The following ARHGAP39 variants were observed in gnomAD, a reference collection of about 807,000 sequenced individuals.
ARHGAP39 encodes the protein Rho GTPase activating protein 39.
In ARHGAP39, 44 loss-of-function variants were observed where a neutral mutation model predicts 106.9. The ratio of observed to expected loss-of-function variants is 0.41; its 90% CI spans 0.32 to 0.53. The LOEUF (loss-of-function observed/expected upper bound fraction) is 0.53. ARHGAP39 is among the 20% of genes least tolerant of loss of function. The pLI, the probability that ARHGAP39 is intolerant of heterozygous loss-of-function variation, is 0.21. For synonymous variants in ARHGAP39, 768 were observed against 693.2 expected (o/e 1.11, Z -1.69); for missense variants, 1,496 against 1,577.3 (o/e 0.95, Z 0.87).
At chr8:144,688,112 T>TC (rs1822670333), upstream of ARHGAP39, among the ~76,000 whole-genome samples, 1 of 151,722 alleles carries the variant, frequency 6.6e-6, no homozygotes, top group African/African-American at 2.4e-5. Flanking sequence ...ACTCTTTTTT[T>TC]TTTTTTTTTG....
chr8:144,544,595 C>A (rs1269662577), intron 6 of ARHGAP39, among the ~76,000 whole-genome samples: 1 of 152,234 alleles, frequency 6.6e-6, no homozygotes, highest in East Asian at 1.9e-4. Flanking sequence ...GGCTGTCTGG[C>A]GGATGGCACC....
At chr8:144,622,367 C>T (rs1025429844) in intron 1 of ARHGAP39, among the ~76,000 whole-genome samples, 2 of 152,082 alleles carry the variant, frequency 1.3e-5, no homozygotes, top group African/African-American at 4.8e-5. Context: ...AGCAGCCCCA[C>T]CCGCCACAGG....
chr8:144,668,441 C>A (rs1822017377), intron 1 of ARHGAP39, among the ~76,000 whole-genome samples: 1 of 151,606 alleles, frequency 6.6e-6, no homozygotes. Flanking sequence ...GAGACTGTCT[C>A]AAAACAAAAC....
chr8:144,686,882 A>C (rs1428262920), upstream of ARHGAP39, among the ~76,000 whole-genome samples: 2 of 150,858 alleles, frequency 1.3e-5, 1 homozygote, highest in African/African-American at 4.9e-5. Flanking sequence ...TTGTGACAAC[A>C]CACTGGCGGC....
chr8:144,552,955 C>T (rs1361315925), intron 4 of ARHGAP39, among the ~76,000 whole-genome samples: 2 of 152,200 alleles, frequency 1.3e-5, no homozygotes, highest in African/African-American at 4.8e-5. Context: ...GTGGGGCTTC[C>T]AAGGCCTTCC....
intron 6 of ARHGAP39, among the ~76,000 whole-genome samples, chr8:144,543,439 G>A (rs1817278552): frequency 2.6e-5 from 4 of 152,332 alleles, no homozygotes; most frequent in South Asian, 4.1e-4. Flanking sequence ...CCTGACAGAC[G>A]AACCTAGGAG....
chr8:144,570,915 T>C (rs1818564845), intron 3 of ARHGAP39, among the ~76,000 whole-genome samples: 1 of 152,038 alleles, frequency 6.6e-6, no homozygotes, highest in East Asian at 1.9e-4. Context: ...ACATACACCC[T>C]CCCAAGACTA....
At chr8:144,599,133 C>G (rs1458445487) in intron 2 of ARHGAP39, among the ~76,000 whole-genome samples, 2 of 152,198 alleles carry the variant, frequency 1.3e-5, no homozygotes, top group Non-Finnish European at 2.9e-5. Context: ...CCAAGGACAG[C>G]ACATCCAAAG....
chr8:144,551,005 CCCTG>C, intron 4 of ARHGAP39, among the ~76,000 whole-genome samples: 2 of 152,328 alleles, frequency 1.3e-5, no homozygotes, highest in South Asian at 4.1e-4. Flanking sequence ...TGTAGTAAGG[CCCTG>C]AGTTCAGCAC....
At chr8:144,615,881 A>T (rs1234969276) in intron 1 of ARHGAP39, among the ~76,000 whole-genome samples, 2 of 152,188 alleles carry the variant, frequency 1.3e-5, no homozygotes, top group African/African-American at 4.8e-5. Flanking sequence ...CCGCCCCTTC[A>T]GCAGCTGTGC....
rs747197911 is a variant in ARHGAP39, at chr8:144,545,740, C to A, written c.2030G>T (p.Ser677Ile). 13 of 1,611,388 alleles carry A rather than the reference C, an allele frequency of 8.1e-6. No homozygotes were observed. Among genetic ancestry groups the A allele is most frequent in the Non-Finnish European group, 1.1e-5 (13 of 1,179,414 alleles). ...RQSRSGVPSSSCVFPTFTLRK... is the reference protein window; with the variant it reads ...RQSRSGVPSSICVFPTFTLRK... Reference sequence around the variant, plus strand: ...CAGCGTGAAAGTGGGGAAGACGCAGCTGGAGCTGGGAACGCCGCTGCGGCT... The same window carrying A: ...CAGCGTGAAAGTGGGGAAGACGCAGATGGAGCTGGGAACGCCGCTGCGGCT... Residue 677 changes from serine (S) to isoleucine (I), a missense_variant, in exon 6 of 12, where the codon AGC (serine) becomes ATC (isoleucine). By Grantham distance (142) the Ser-to-Ile change is moderately radical (BLOSUM62 -2). Around this residue, in one of 4 missense-constraint regions of ARHGAP39, gnomAD observed 905 missense variants for 816.4 expected, o/e 1.11. Transcript: ENST00000377307.
intron 3 of ARHGAP39, among the ~76,000 whole-genome samples, chr8:144,576,159 C>T (rs888277445): frequency 5.9e-5 from 9 of 151,732 alleles, no homozygotes; most frequent in Admixed American, 2.0e-4. Context: ...ATGGTGAAAC[C>T]GTGTCTCTAC....
chr8:144,589,020 G>C (rs1229405653), intron 2 of ARHGAP39, among the ~76,000 whole-genome samples: 1 of 152,190 alleles, frequency 6.6e-6, no homozygotes, highest in Non-Finnish European at 1.5e-5. Flanking sequence ...GACAGAAAAA[G>C]GAAATCAGGT....
At chr8:144,651,629 C>T (rs1821576391) in intron 1 of ARHGAP39, among the ~76,000 whole-genome samples, 1 of 152,098 alleles carries the variant, frequency 6.6e-6, no homozygotes, top group South Asian at 2.1e-4. Flanking sequence ...ATCACTTGAA[C>T]CTAGGAGGAG....
At chr8:144,606,635 C>T (rs904027831) in intron 1 of ARHGAP39, among the ~76,000 whole-genome samples, 8 of 151,596 alleles carry the variant, frequency 5.3e-5, no homozygotes, top group African/African-American at 9.7e-5. Flanking sequence ...GAGGAGGTGA[C>T]GGTGGAGGAG....
rs939835702 is a variant in ARHGAP39 at position 144,644,157 on chromosome 8, A to G, written c.-81-38462T>C. 2.0e-5 allele frequency among the ~76,000 whole-genome samples: 3 copies of G among 152,180 alleles called. No homozygotes were observed. Among genetic ancestry groups the G allele is most frequent in the Admixed American group, 2.0e-4 (3 of 15,276 alleles). ...CATTCACAGGAGCCAAACACAGCAC[A>G]GCCCCACGTTCACCACCAGACGATG... On this transcript the variant is annotated intron_variant, in intron 1 of 11. Transcript: ENST00000377307. This position sits in a 1 kb window ranked among gnomAD's most constrained non-coding sequence, Gnocchi z 4.8.
chr8:144,631,206 C>T (rs1455822146), intron 1 of ARHGAP39, among the ~76,000 whole-genome samples: 1 of 152,252 alleles, frequency 6.6e-6, no homozygotes, highest in Non-Finnish European at 1.5e-5. Flanking sequence ...CAAACACCTC[C>T]CGCCAGACCC....
At chr8:144,642,227 G>A (rs959212636) in intron 1 of ARHGAP39, among the ~76,000 whole-genome samples, 20 of 152,164 alleles carry the variant, frequency 1.3e-4, no homozygotes, top group African/African-American at 4.8e-4. Flanking sequence ...GCTCAGGCCT[G>A]TTAATCCCAG....
chr8:144,561,990 G>A (rs1273032672), intron 3 of ARHGAP39, among the ~76,000 whole-genome samples: 1 of 148,778 alleles, frequency 6.7e-6, no homozygotes, highest in South Asian at 2.1e-4. Context: ...GGACCCCAGT[G>A]GTTTCCATCA....
Sources: allele counts gnomAD v4.1 joint callset (sites outside exome capture counted in the v4.1 genomes callset), GRCh38; gene constraint gnomAD v4.1.1; regional missense constraint gnomAD v4.1.1; non-coding constraint Gnocchi (gnomAD v3.1); transcripts MANE v1.5; gene names NCBI Gene and HGNC (gene_info 2026-07-23, HGNC 2026-07-21).